Variants in MIGA1 observed in about 807,000 individuals in gnomAD.
MIGA1 encodes the protein family with sequence similarity 73, member A.
Under a neutral mutation model 82.0 loss-of-function variants are expected in MIGA1, and 58 were observed. The ratio of observed to expected loss-of-function variants is 0.71; its 90% confidence interval spans 0.57 to 0.88. The LOEUF (loss-of-function observed/expected upper bound fraction) is 0.88, where lower values mean the gene tolerates loss of function less well. Among genes scored for constraint, MIGA1 ranks in the 40% least tolerant of loss-of-function variants. MIGA1 has a pLI of 0.00. For missense variants in MIGA1, 751 were observed against 749.1 expected (o/e 1.00, Z -0.03); for synonymous variants, 249 against 253.6 (o/e 0.98, Z 0.17).
chr1:77,795,632 C>A, intron 2 of MIGA1, among the ~76,000 whole-genome samples: 1 of 136,160 alleles, frequency 7.3e-6, no homozygotes, highest in East Asian at 2.1e-4. Flanking sequence ...ATATTACTTT[C>A]TTTTTTTTTT....
At chr1:77,869,097 C>A (rs1302175843) in intron 14 of MIGA1, among the ~76,000 whole-genome samples, 1 of 151,432 alleles carries the variant, frequency 6.6e-6, no homozygotes, top group Non-Finnish European at 1.5e-5. Flanking sequence ...CAGCCTTCCG[C>A]AGTGTTTGTG....
intron 8 of MIGA1, among the ~76,000 whole-genome samples, chr1:77,857,448 G>A (rs558961924): frequency 1.9e-4 from 29 of 151,738 alleles, no homozygotes; most frequent in South Asian, 6.3e-4. Flanking sequence ...CAGGTGATCC[G>A]CCTGCCTCAG....
At chr1:77,784,301 T>C (rs1682051722) in intron 2 of MIGA1, among the ~76,000 whole-genome samples, 2 of 152,166 alleles carry the variant, frequency 1.3e-5, no homozygotes, top group South Asian at 4.1e-4. Context: ...CATAGCTCAC[T>C]GCAGCCTCAA....
At chr1:77,865,794 C>CT (rs577015469) in intron 13 of MIGA1, among the ~76,000 whole-genome samples, 105 of 142,842 alleles carry the variant, frequency 7.4e-4, no homozygotes, top group East Asian at 1.6e-3. Flanking sequence ...TATTATTTTA[C>CT]TTTTTTTTTT....
intron 8 of MIGA1, among the ~76,000 whole-genome samples, chr1:77,855,847 G>A (rs1482019903): frequency 6.6e-6 from 1 of 152,054 alleles, no homozygotes; most frequent in East Asian, 1.9e-4. Flanking sequence ...AACAGTGACA[G>A]TTTGACTTCC....
chr1:77,826,559 T>C (rs984670555), intron 7 of MIGA1, among the ~76,000 whole-genome samples: 2 of 152,182 alleles, frequency 1.3e-5, no homozygotes, highest in Non-Finnish European at 1.5e-5. Context: ...CACCACAGCC[T>C]CAACTTCCTG....
chr1:77,800,273 C>A (rs1341721206), intron 2 of MIGA1, among the ~76,000 whole-genome samples: 3 of 152,180 alleles, frequency 2.0e-5, no homozygotes, highest in African/African-American at 7.2e-5. Flanking sequence ...CACCTCTCTC[C>A]AGCCTCTCAA....
intron 8 of MIGA1, among the ~76,000 whole-genome samples, chr1:77,852,104 C>T (rs1337426895): frequency 6.6e-6 from 1 of 151,948 alleles, no homozygotes; most frequent in Non-Finnish European, 1.5e-5. Context: ...AGGCTGGTCT[C>T]GAGCTTCTGA....
At chr1:77,823,858 T>C (rs1683931520) in intron 7 of MIGA1, among the ~76,000 whole-genome samples, 1 of 152,206 alleles carries the variant, frequency 6.6e-6, no homozygotes, top group South Asian at 2.1e-4. Context: ...AAACTCTGTT[T>C]CTCTGTTGCC....
intron 7 of MIGA1, among the ~76,000 whole-genome samples, chr1:77,824,136 C>T (rs1382817639): frequency 6.6e-6 from 1 of 152,124 alleles, no homozygotes; most frequent in African/African-American, 2.4e-5. Context: ...AGAACTAATG[C>T]TGAGAAAATA....
chr1:77,858,772 C>T (rs1481124545), intron 8 of MIGA1, among the ~76,000 whole-genome samples, 166 bp from the exon 9 acceptor site: 3 of 152,136 alleles, frequency 2.0e-5, no homozygotes, highest in African/African-American at 4.8e-5. Context: ...GTGCATGCCT[C>T]CACACCTGAC....
chr1:77,876,295 A>G lies in MIGA1; in HGVS notation c.*1231A>G, dbSNP rs1368414450. The G allele has an allele frequency of 6.6e-6, 1 of 152,214 alleles. No individual in the cohort carries two copies. 9.4% of individuals were successfully genotyped at this position (152,214 alleles called of 1,614,324 possible). On this transcript the variant is annotated 3_prime_UTR_variant, in exon 16 of 16. Coordinates refer to ENST00000370791, the MANE Select transcript of MIGA1 (RefSeq NM_198549.4). ...ACTGCACTCCAGCCTGGGCGACAGC[A>G]AGACCCTATCTCAGAAGTGAATAAA...
intron 8 of MIGA1, among the ~76,000 whole-genome samples, chr1:77,844,100 T>TAA (rs140327554): frequency 5.1e-4 from 35 of 68,412 alleles, no homozygotes; most frequent in South Asian, 1.6e-3. Flanking sequence ...GACCCTGTCT[T>TAA]AAAAAAAAAA....
intron 12 of MIGA1, among the ~76,000 whole-genome samples, chr1:77,862,463 T>C (rs772428894): frequency 1.3e-4 from 19 of 147,526 alleles, no homozygotes; most frequent in Non-Finnish European, 2.4e-4. Flanking sequence ...TATATAGATA[T>C]AGATATCGGT....
In MIGA1 at chr1:77,876,683, A is replaced by T. The variant is rs1192557474; in HGVS notation, c.*1619A>T. On this transcript the variant is annotated 3_prime_UTR_variant, in exon 16 of 16. Coordinates refer to ENST00000370791, the MANE Select transcript of MIGA1 (RefSeq NM_198549.4). ...ATGCCCATGTTTTAAAAATATTCAT[A>T]GTTTGAATCTTATTGACATTTTAAA... The T allele has an allele frequency of 1.3e-5, 2 of 152,174 alleles. No individual in the cohort carries two copies. The highest frequency in any genetic ancestry group is 2.9e-5 in the Non-Finnish European group (2 of 68,036). 9.4% of individuals were successfully genotyped at this position (152,174 alleles called of 1,614,324 possible).
In MIGA1 at chr1:77,814,628, C is replaced by T. The variant is rs180995780; in HGVS notation, c.772-480C>T. On this transcript the variant is annotated intron_variant, in intron 6 of 15. Coordinates refer to ENST00000370791, the MANE Select transcript of MIGA1 (RefSeq NM_198549.4). ...AGTGCCATTATGTTCATTAAAATCA[C>T]ATAAAGGTGTAGAGCTAGACTAGTC... is the stretch of plus-strand genomic sequence containing the variant. Among the ~76,000 whole-genome samples, 152 of 152,336 alleles carry T rather than the reference C, an allele frequency of 1.0e-3. 5 individuals carry two copies. The East Asian group carries it at 0.023, about 23-fold the overall frequency.
At chr1:77,805,230 C>T (rs957965495) in intron 4 of MIGA1, among the ~76,000 whole-genome samples, 3 of 150,994 alleles carry the variant, frequency 2.0e-5, no homozygotes, top group Admixed American at 6.6e-5. Context: ...CTCCCGACCT[C>T]GTGATTCACC....
chr1:77,841,079 C>T (rs1245705938), intron 7 of MIGA1, among the ~76,000 whole-genome samples: 2 of 151,956 alleles, frequency 1.3e-5, no homozygotes, highest in Non-Finnish European at 2.9e-5. Flanking sequence ...AGTTTGATAG[C>T]TATTTATAAG....
rs1646904826 is a variant in MIGA1 at position 77,877,746 on chromosome 1, C to T, written c.*2682C>T. On this transcript the variant is annotated 3_prime_UTR_variant, in exon 16 of 16. Coordinates refer to ENST00000370791, the MANE Select transcript of MIGA1 (RefSeq NM_198549.4). ...ATTGCACTATTTGATAATGCTGCTA[C>T]TACATGAGATAACTCTGGGGAATTA... is the stretch of plus-strand genomic sequence containing the variant. 1 of 152,658 alleles carries T rather than the reference C, an allele frequency of 6.6e-6. No individual in the cohort carries two copies. Among genetic ancestry groups the T allele is most frequent in the African/African-American group, 2.4e-5 (1 of 41,450 alleles). 9.5% of individuals were successfully genotyped at this position (152,658 alleles called of 1,614,324 possible).
Sources: allele counts gnomAD v4.1 joint callset (sites outside exome capture counted in the v4.1 genomes callset), GRCh38; gene constraint gnomAD v4.1.1; transcripts MANE v1.5; gene names NCBI Gene and HGNC (gene_info 2026-07-23, HGNC 2026-07-21).